Variants in UBE2D3 observed in about 807,000 individuals in gnomAD.
UBE2D3 encodes ubiquitin-conjugating enzyme E2 D3.
A neutral mutation model predicts 22.8 loss-of-function variants in UBE2D3; 2 were observed. The ratio of observed to expected loss-of-function variants is 0.09; its 90% CI spans 0.04 to 0.28. The LOEUF (loss-of-function observed/expected upper bound fraction) is 0.28. UBE2D3 is among the 10% of genes least tolerant of loss of function. The pLI, the probability that UBE2D3 is intolerant of heterozygous loss-of-function variation, is 1.00. For synonymous variants in UBE2D3, 56 were observed against 60.4 expected (o/e 0.93, Z 0.34); for missense variants, 27 against 182.5 (o/e 0.15, Z 4.91).
At chr4:102,840,690 T>C (rs1731702704) in intron 1 of UBE2D3, among the ~76,000 whole-genome samples, 1 of 152,190 alleles carries the variant, frequency 6.6e-6, no homozygotes. Context: ...CAGTGAATGC[T>C]TTTTGTATTT....
chr4:102,825,594 T>G, intron 2 of UBE2D3: 117 of 1,217,440 alleles, frequency 9.6e-5, no homozygotes, highest in Non-Finnish European at 1.2e-4. Context: ...AGGTGGAGGT[T>G]CCGCTCACTC....
chr4:102,821,720 T>A (rs957502634), intron 2 of UBE2D3, among the ~76,000 whole-genome samples: 8 of 152,196 alleles, frequency 5.3e-5, no homozygotes, highest in African/African-American at 1.9e-4. Context: ...TACCCTGATG[T>A]GATTATGCAT....
At chr4:102,850,640 C>T (rs1732293579) in intron 1 of UBE2D3, among the ~76,000 whole-genome samples, 1 of 152,072 alleles carries the variant, frequency 6.6e-6, no homozygotes, top group Non-Finnish European at 1.5e-5. Context: ...TATCTACCTA[C>T]CACAAATTTA....
chr4:102,801,419 C>T (rs1438009636), intron 6 of UBE2D3, 35 bp downstream of exon 6: 8 of 1,545,750 alleles, frequency 5.2e-6, no homozygotes, highest in Non-Finnish European at 7.1e-6. Context: ...CTTTATTAGA[C>T]AATGAGAACA....
intron 1 of UBE2D3, chr4:102,826,987 G>C (rs1049666816): frequency 1.3e-5 from 13 of 997,944 alleles, no homozygotes; most frequent in Non-Finnish European, 1.2e-5. Context: ...AAAGGCAAGG[G>C]GGGAGGGGGA....
intron 1 of UBE2D3, among the ~76,000 whole-genome samples, chr4:102,862,016 G>T (rs1029261302): frequency 1.9e-4 from 29 of 152,000 alleles, no homozygotes; most frequent in Admixed American, 5.2e-4. Flanking sequence ...CTCCTGGCCT[G>T]AGGTGATCCT....
chr4:102,818,645 T>C (rs1294686241), intron 2 of UBE2D3, among the ~76,000 whole-genome samples: 2 of 152,154 alleles, frequency 1.3e-5, no homozygotes, highest in Non-Finnish European at 2.9e-5. Context: ...AGGATTTTTT[T>C]CACCAAAAAA....
At chr4:102,836,443 A>G (rs1333361252) in intron 1 of UBE2D3, among the ~76,000 whole-genome samples, 1 of 152,162 alleles carries the variant, frequency 6.6e-6, no homozygotes, top group African/African-American at 2.4e-5. Flanking sequence ...CACTCCGCCT[A>G]GCCTCTTCCA....
intron 1 of UBE2D3, among the ~76,000 whole-genome samples, chr4:102,848,921 CTGTGTGTGTGTGTG>C (rs147050383): frequency 2.5e-3 from 351 of 142,810 alleles, no homozygotes; most frequent in Middle Eastern, 0.018. Context: ...TTATGTGTGC[CTGTGTGTGTGTGTG>C]TGTGTGTGTG....
intron 4 of UBE2D3, 25 bp from the exon 5 acceptor site, chr4:102,802,663 C>T (rs1261263269): frequency 1.3e-6 from 2 of 1,544,050 alleles, no homozygotes; most frequent in Non-Finnish European, 1.8e-6. Flanking sequence ...GTATGCTTAA[C>T]TCAAATTTAA....
chr4:102,842,729 T>C (rs1731824640), intron 1 of UBE2D3, among the ~76,000 whole-genome samples: 1 of 152,004 alleles, frequency 6.6e-6, no homozygotes, highest in African/African-American at 2.4e-5. Context: ...AAAGGCAAAA[T>C]ATGTGGCAGG....
chr4:102,802,390 C>T (rs1448870215), intron 5 of UBE2D3, 171 bp downstream of exon 5: 1 of 429,394 alleles, frequency 2.3e-6, no homozygotes, highest in African/African-American at 2.0e-5. Context: ...ATTTACAAAG[C>T]TCAAACTGAG....
At chr4:102,817,597 T>C (rs553435076) in intron 2 of UBE2D3, among the ~76,000 whole-genome samples, 1 of 152,348 alleles carries the variant, frequency 6.6e-6, no homozygotes, top group South Asian at 2.1e-4. Flanking sequence ...GATAATTTAA[T>C]GTTTGGCAAA....
chr4:102,801,712 A>AC (rs1303284794), intron 5 of UBE2D3, 153 bp from the exon 6 acceptor site: 2 of 588,402 alleles, frequency 3.4e-6, no homozygotes, highest in Admixed American at 3.6e-5. Flanking sequence ...TCTGACCACA[A>AC]CCCCCTGCCT....
Position 102,801,432 on chromosome 4 carries a change from T to A in UBE2D3, c.304+22A>T, listed in dbSNP as rs761821196. On this transcript the variant is annotated intron_variant, in intron 6 of 7. Coordinates refer to ENST00000453744, the MANE Select transcript of UBE2D3 (RefSeq NM_181891.3). ...AGCTTTATTAGACAATGAGAACAGC[T>A]TATTTCACTAGAAATATTTACCTTT... 2.7e-5 allele frequency: 43 copies of A among 1,567,202 alleles called. No individual in the cohort carries two copies. The Admixed American group carries it at 6.9e-4, about 25-fold the overall frequency.
rs1402015178 is a variant in UBE2D3 at position 102,794,572 on chromosome 4, T to C, written c.*2843A>G. ...AGTTTTGTTATGCCAACACAAAACATGGCTGAGTTACCCCCCTCCCCGCCC... is the reference window on the plus strand; with the variant it reads ...AGTTTTGTTATGCCAACACAAAACACGGCTGAGTTACCCCCCTCCCCGCCC... On this transcript the variant is annotated 3_prime_UTR_variant, in exon 8 of 8. Transcript: ENST00000453744. 3 of 151,896 alleles carry C rather than the reference T, an allele frequency of 2.0e-5. No homozygotes were observed. The highest frequency in any genetic ancestry group is 7.3e-5 in the African/African-American group (3 of 41,338). The allele number at this position is 151,896 out of a possible 1,614,324, so 9.4% of individuals were successfully genotyped here. A position where few individuals can be genotyped will look rare whatever the true frequency, so the allele number is the denominator to read the frequency against.
Position 102,794,944 on chromosome 4 carries a change from G to A in UBE2D3, c.*2471C>T, listed in dbSNP as rs1380332215. ...CAAAACTGATTCTAATACTCAGTTG[G>A]GTCCTATACATGGCACTAGTAATGT... On this transcript the variant is annotated 3_prime_UTR_variant, in exon 8 of 8. Coordinates refer to ENST00000453744, the MANE Select transcript of UBE2D3 (RefSeq NM_181891.3). 6.6e-6 allele frequency: 1 copy of A among 151,986 alleles called. No homozygotes were observed. Among genetic ancestry groups the A allele is most frequent in the Non-Finnish European group, 1.5e-5 (1 of 67,926 alleles). The allele number at this position is 151,986 out of a possible 1,614,324, so 9.4% of individuals were successfully genotyped here.
At chr4:102,799,994 AC>A (rs1725888029) in intron 6 of UBE2D3, among the ~76,000 whole-genome samples, 1 of 152,024 alleles carries the variant, frequency 6.6e-6, no homozygotes, top group African/African-American at 2.4e-5. Flanking sequence ...TAAGCAAGAA[AC>A]CATATTCCCA....
At chr4:102,804,662 C>T (rs1042032037) in intron 4 of UBE2D3, among the ~76,000 whole-genome samples, 1 of 151,956 alleles carries the variant, frequency 6.6e-6, no homozygotes, top group Non-Finnish European at 1.5e-5. Context: ...AAAGGTAATC[C>T]CAAACACTAA....
Sources: allele counts gnomAD v4.1 joint callset (sites outside exome capture counted in the v4.1 genomes callset), GRCh38; gene constraint gnomAD v4.1.1; transcripts MANE v1.5; gene names NCBI Gene and HGNC (gene_info 2026-07-23, HGNC 2026-07-21).